The following SNX27 variants were observed in gnomAD, a reference collection of about 807,000 sequenced individuals.
The protein encoded by SNX27 is sorting nexin 27.
In SNX27, 22 loss-of-function variants were observed where a neutral mutation model predicts 71.6. The observed-to-expected ratio is 0.31, with a 90% CI of 0.22 to 0.44. The LOEUF (loss-of-function observed/expected upper bound fraction) is 0.44, where lower values mean the gene tolerates loss of function less well. SNX27 is among the 20% of genes least tolerant of loss of function. The probability of loss-of-function intolerance (pLI) is 1.00; values close to 1 mark genes in which losing one functional copy is unlikely to be tolerated. For missense variants in SNX27, 531 were observed against 698.6 expected, an observed-to-expected ratio of 0.76 and a Z score of 2.70; for synonymous variants, 269 against 277.2, an observed-to-expected ratio of 0.97 and a Z score of 0.29.
intron 1 of SNX27, among the ~76,000 whole-genome samples, chr1:151,637,323 C>T (rs1668511585): frequency 6.6e-6 from 1 of 152,130 alleles, no homozygotes; most frequent in Admixed American, 6.5e-5. Flanking sequence ...GGACTACAGG[C>T]GCCCACCACC....
intron 2 of SNX27, among the ~76,000 whole-genome samples, chr1:151,652,310 T>G (rs1010492264): frequency 1.3e-5 from 2 of 152,010 alleles, no homozygotes; most frequent in African/African-American, 4.8e-5. Context: ...ATAATTTTTA[T>G]GGACCTATCA....
At chr1:151,641,602 T>G (rs1384639861) in intron 2 of SNX27, among the ~76,000 whole-genome samples, 3 of 54,712 alleles carry the variant, frequency 5.5e-5, no homozygotes, top group Non-Finnish European at 9.9e-5. Flanking sequence ...TTATCAGATA[T>G]ATATATATAT....
intron 1 of SNX27, among the ~76,000 whole-genome samples, chr1:151,637,182 T>TTG (rs1668503105): frequency 7.4e-6 from 1 of 134,990 alleles, no homozygotes; most frequent in Non-Finnish European, 1.6e-5. Context: ...TTTTTTTTTT[T>TTG]GAGACAGAGT....
Position 151,696,497 on chromosome 1 carries a change from C to CTTTCTTTCT in SNX27, c.*2088_*2089insTTTTCTTTC, listed in dbSNP as rs1558082836. ...TCTTTCTTTCTTTCTTTCTTTCTTT[C>CTTTCTTTCT]TTTCTTTCGTTCTTTCGTTCTTTCG... On this transcript the variant is annotated 3_prime_UTR_variant, in exon 12 of 12. Transcript: ENST00000458013. The CTTTCTTTCT allele has an allele frequency of 1.2e-4, 16 of 135,002 alleles. No homozygotes were observed. Among genetic ancestry groups the CTTTCTTTCT allele is most frequent in the African/African-American group, 4.9e-4 (16 of 32,642 alleles). The allele number at this position is 135,002 out of a possible 1,614,324, so 8.4% of individuals were successfully genotyped here.
rs1427356193 is a variant in SNX27, at chr1:151,692,735, C to T, written c.1389+151C>T. On this transcript the variant is annotated intron_variant, in intron 9 of 11. Coordinates refer to ENST00000458013, the MANE Select transcript of SNX27 (RefSeq NM_001330723.2). ...AAACAGGCATGGAATCCACACTGAT[C>T]CTCAACTTCATTGGCTGCTTCCACT... 5 of 1,386,192 alleles carry T rather than the reference C, an allele frequency of 3.6e-6. No homozygotes were observed. The South Asian group carries it at 6.9e-5, about 19-fold the overall frequency. The allele number at this position is 1,386,192 out of a possible 1,614,324, so 85.9% of individuals were successfully genotyped here.
At position 151,696,534 on chromosome 1, in the gene SNX27, T is replaced by TTTC; in HGVS notation, c.*2120_*2122dup. The TTTC allele has an allele frequency of 6.6e-6, 1 of 151,522 alleles. No individual in the cohort carries two copies. The highest frequency in any genetic ancestry group is 1.9e-4 in the East Asian group (1 of 5,156). The allele number at this position is 151,522 out of a possible 1,614,324, so 9.4% of individuals were successfully genotyped here. A position where few individuals can be genotyped will look rare whatever the true frequency, so the allele number is the denominator to read the frequency against. On this transcript the variant is annotated 3_prime_UTR_variant, in exon 12 of 12. Transcript: ENST00000458013. ...CTTTCGTTCTTTCGTTCTTTCTTTC[T>TTTC]TTCTTTCTTTCTCTTTCTTTCTTTT...
rs757787222 is a variant in SNX27 at position 151,665,946 on chromosome 1, A to C, written c.920A>C (p.Lys307Thr). The C allele has an allele frequency of 6.3e-7, 1 of 1,598,856 alleles. No homozygotes were observed. The highest frequency in any genetic ancestry group is 1.7e-4 in the Middle Eastern group (1 of 6,004). ...TDQVYQAIAA[K>T]VGMDSTTVNY... ...GTTTAACCTTAGGCTATCGCAGCAAAGGTTGGCATGGACAGTACGACAGTG... is the reference window on the plus strand; with the variant it reads ...GTTTAACCTTAGGCTATCGCAGCAACGGTTGGCATGGACAGTACGACAGTG... The change falls in exon 6 of 12, where the codon AAG becomes ACG. Residue 307 changes from lysine (K) to threonine (T), a missense_variant. Physicochemically the swap from Lys to Thr is moderately conservative, Grantham distance 78. Coordinates refer to ENST00000458013, the MANE Select transcript of SNX27 (RefSeq NM_001330723.2).
intron 2 of SNX27, among the ~76,000 whole-genome samples, chr1:151,656,934 T>C (rs1669723283): frequency 6.6e-6 from 1 of 151,962 alleles, no homozygotes; most frequent in Non-Finnish European, 1.5e-5. Flanking sequence ...AGAATAAAAA[T>C]AAAAATTTAA....
At chr1:151,674,071 G>T (rs1014192792) in intron 7 of SNX27, among the ~76,000 whole-genome samples, 1 of 151,992 alleles carries the variant, frequency 6.6e-6, no homozygotes, top group Non-Finnish European at 1.5e-5. Flanking sequence ...CCTTACTCTT[G>T]CCATTTTGTT....
At chr1:151,642,628 A>ATTAT (rs1668830567) in intron 2 of SNX27, among the ~76,000 whole-genome samples, 1 of 151,610 alleles carries the variant, frequency 6.6e-6, no homozygotes, top group Non-Finnish European at 1.5e-5. Context: ...GAACTTTATT[A>ATTAT]TTATTTATTT....
intron 7 of SNX27, among the ~76,000 whole-genome samples, chr1:151,669,588 C>T (rs1490594713): frequency 1.3e-5 from 2 of 152,192 alleles, no homozygotes; most frequent in Non-Finnish European, 2.9e-5. Context: ...TGGCAGCTCT[C>T]TACTGTGGTG....
intron 3 of SNX27, chr1:151,660,202 C>A (rs559219619): frequency 6.6e-6 from 1 of 151,546 alleles, no homozygotes; most frequent in African/African-American, 2.4e-5. Flanking sequence ...ACCTACCTTA[C>A]CTGCCGGCTT....
In SNX27 at chr1:151,696,724, A is replaced by C. The variant is rs1571888696; in HGVS notation, c.*2307A>C. The C allele has an allele frequency of 7.4e-6, 1 of 135,854 alleles. No homozygotes were observed. The highest frequency in any genetic ancestry group is 1.5e-5 in the Non-Finnish European group (1 of 65,876). 8.4% of individuals were successfully genotyped at this position (135,854 alleles called of 1,614,324 possible). On this transcript the variant is annotated 3_prime_UTR_variant, in exon 12 of 12. Coordinates refer to ENST00000458013, the MANE Select transcript of SNX27 (RefSeq NM_001330723.2). Reference sequence around the variant, plus strand: ...GAGTGCAGTGGCACGATCTCGGCTCACTGCACCCTCTGCCTCTTGGGTTCA... The same window carrying C: ...GAGTGCAGTGGCACGATCTCGGCTCCCTGCACCCTCTGCCTCTTGGGTTCA...
At chr1:151,694,330 G>A in intron 11 of SNX27, 40 bp from the exon 12 acceptor site, 19 of 1,548,610 alleles carry the variant, frequency 1.2e-5, no homozygotes, top group Non-Finnish European at 1.7e-5. Context: ...GATAAGAGGA[G>A]ATGTGCCTTC....
intron 1 of SNX27, among the ~76,000 whole-genome samples, chr1:151,630,595 T>C (rs1668180493): frequency 6.6e-6 from 1 of 152,224 alleles, no homozygotes; most frequent in Non-Finnish European, 1.5e-5. Flanking sequence ...CTTTGATATT[T>C]AGTGATCCAG....
chr1:151,691,466 G>GTTTT (rs553869904), intron 8 of SNX27, among the ~76,000 whole-genome samples: 3 of 132,624 alleles, frequency 2.3e-5, no homozygotes, highest in Non-Finnish European at 4.9e-5. Flanking sequence ...TGTTTTTCTG[G>GTTTT]TTTTTTTTTT....
At chr1:151,670,551 T>C (rs924895006) in intron 7 of SNX27, among the ~76,000 whole-genome samples, 3 of 152,210 alleles carry the variant, frequency 2.0e-5, no homozygotes, top group African/African-American at 7.2e-5. Flanking sequence ...TCCTTGCCAG[T>C]ATTTGTTATT....
intron 1 of SNX27, among the ~76,000 whole-genome samples, chr1:151,623,012 G>A (rs1271156169): frequency 6.6e-6 from 1 of 151,608 alleles, no homozygotes; most frequent in Non-Finnish European, 1.5e-5. Flanking sequence ...TTGCCCTGTC[G>A]CCCAGGCTGG....
At chr1:151,678,932 C>G (rs1344114019) in intron 7 of SNX27, 1 of 152,176 alleles carries the variant, frequency 6.6e-6, no homozygotes, top group Non-Finnish European at 1.5e-5. Flanking sequence ...CCATGTTGCC[C>G]TGGCTGGTCT....
Sources: allele counts gnomAD v4.1 joint callset (sites outside exome capture counted in the v4.1 genomes callset), GRCh38; gene constraint gnomAD v4.1.1; transcripts MANE v1.5; gene names NCBI Gene and HGNC (gene_info 2026-07-23, HGNC 2026-07-21).